The following MICAL3 variants were observed in gnomAD, a reference collection of about 807,000 sequenced individuals.
MICAL3 encodes the protein microtubule associated monooxygenase, calponin and LIM domain containing 3.
MICAL3 carries 62 observed loss-of-function variants against 207.4 expected under a neutral mutation model. The observed-to-expected ratio is 0.30, with a 90% CI of 0.24 to 0.37. The LOEUF (loss-of-function observed/expected upper bound fraction) is 0.37, where lower values mean the gene tolerates loss of function less well. Among genes scored for constraint, MICAL3 ranks in the 10% least tolerant of loss-of-function variants. The pLI is 1.00. For synonymous variants in MICAL3, 1,077 were observed against 1,069.3 expected (o/e 1.01, Z -0.14); for missense variants, 2,368 against 2,635.6 (o/e 0.90, Z 2.22).
intron 1 of MICAL3, among the ~76,000 whole-genome samples, chr22:17,941,339 T>G (rs546039375): frequency 1.3e-5 from 2 of 152,338 alleles, no homozygotes; most frequent in South Asian, 4.1e-4. Flanking sequence ...AGATGATGGC[T>G]GTCAATCAGT....
chr22:17,874,215 T>TA (rs1274693177), intron 16 of MICAL3, among the ~76,000 whole-genome samples: 2 of 152,214 alleles, frequency 1.3e-5, no homozygotes, highest in African/African-American at 4.8e-5. Context: ...ATTTGCCCAT[T>TA]AACTTCACAG....
intron 1 of MICAL3, chr22:18,019,805 G>GTTTTTTTT (rs1569169676): frequency 7.8e-6 from 1 of 128,242 alleles, no homozygotes; most frequent in Non-Finnish European, 1.5e-5. Context: ...GAATGCTGCT[G>GTTTTTTTT]ATTTTTTTTT....
chr22:17,968,278 G>A (rs1289604592), intron 1 of MICAL3, among the ~76,000 whole-genome samples: 1 of 152,060 alleles, frequency 6.6e-6, no homozygotes, highest in African/African-American at 2.4e-5. Flanking sequence ...CTGTGGAAGC[G>A]TTGGGGGAGG....
rs375564003 is a variant in MICAL3, at chr22:17,869,890, G to A, written c.2428+1947C>T. ...AAAGGGCGTGATGTGTTGGGGCGCA[G>A]CACAAGGCCTCGGTTACTTCCTCCT... On this transcript the variant is annotated intron_variant, in intron 17 of 31. Transcript: ENST00000441493. Among the ~76,000 whole-genome samples, 12 of 152,318 alleles carry A rather than the reference G, an allele frequency of 7.9e-5. No individual in the cohort carries two copies. The South Asian group carries it at 2.5e-3, about 32-fold the overall frequency.
chr22:17,996,907 A>C (rs1922347032), intron 1 of MICAL3, among the ~76,000 whole-genome samples: 2 of 152,168 alleles, frequency 1.3e-5, no homozygotes, highest in African/African-American at 2.4e-5. Context: ...CCATGCCTCC[A>C]GTTTCACAGT....
At chr22:17,961,389 C>G (rs538931819) in intron 1 of MICAL3, among the ~76,000 whole-genome samples, 1 of 152,296 alleles carries the variant, frequency 6.6e-6, no homozygotes, top group South Asian at 2.1e-4. Flanking sequence ...CGGCCATTCT[C>G]ACTGGGGGAG....
chr22:17,978,517 C>CTT (rs796547093), intron 1 of MICAL3, among the ~76,000 whole-genome samples: 3 of 144,354 alleles, frequency 2.1e-5, no homozygotes, highest in Non-Finnish European at 1.5e-5. Flanking sequence ...GAACTGTACA[C>CTT]TTTTTTTTTT....
At chr22:17,874,745 G>C (rs973694232) in intron 16 of MICAL3, among the ~76,000 whole-genome samples, 1 of 152,174 alleles carries the variant, frequency 6.6e-6, no homozygotes, top group African/African-American at 2.4e-5. Context: ...CATGCACATA[G>C]GCCTCAACCC....
intron 5 of MICAL3, among the ~76,000 whole-genome samples, chr22:17,901,376 G>A (rs1181790221): frequency 6.6e-6 from 1 of 152,152 alleles, no homozygotes; most frequent in Non-Finnish European, 1.5e-5. Flanking sequence ...AGAGTGCCCT[G>A]TAAGCAGCAG....
intron 1 of MICAL3, chr22:18,006,417 G>A (rs1263376504): frequency 1.3e-5 from 2 of 152,220 alleles, no homozygotes; most frequent in East Asian, 1.9e-4. Flanking sequence ...AGTGTCCTGC[G>A]GAGGTGGAGA....
At position 17,817,825 on chromosome 22, in the gene MICAL3, G is replaced by A. The variant is rs376767116; in HGVS notation, c.4836C>T (p.Ala1612=). 65 of 1,610,682 alleles carry A rather than the reference G, an allele frequency of 4.0e-5. No homozygotes were observed. Among genetic ancestry groups the A allele is most frequent in the Non-Finnish European group, 5.1e-5 (60 of 1,178,976 alleles). ...GCATCCTGCTCAGCTGCCTGGCCAT[G>A]GCGTCCCGCAGCGCCTGGCTCTTCA... ...KSVKSQALRD[A]MARQLSRMQQ... is the part of the protein sequence containing the mutation. Residue 1612 remains alanine (A), a synonymous_variant, in exon 26 of 32, where the codon GCC becomes GCT. Coordinates refer to ENST00000441493, the MANE Select transcript of MICAL3 (RefSeq NM_015241.3).
intron 1 of MICAL3, among the ~76,000 whole-genome samples, chr22:17,928,643 C>A (rs1435833359): frequency 6.6e-6 from 1 of 152,166 alleles, no homozygotes; most frequent in African/African-American, 2.4e-5. Context: ...GACACATTCA[C>A]TCCTTGAAAT....
At chr22:17,951,273 T>C (rs1934337344) in intron 1 of MICAL3, among the ~76,000 whole-genome samples, 1 of 151,252 alleles carries the variant, frequency 6.6e-6, no homozygotes, top group Non-Finnish European at 1.5e-5. Flanking sequence ...GACAGGGATC[T>C]GGACCCGGGG....
chr22:17,799,949 A>AACACACAC lies in MICAL3; in HGVS notation c.5651-8656_5651-8649dup, dbSNP rs3078144. Among the ~76,000 whole-genome samples, 223 of 146,824 alleles carry AACACACAC rather than the reference A, an allele frequency of 1.5e-3. 2 individuals are homozygous for AACACACAC. The South Asian group carries it at 0.017, about 11-fold the overall frequency. On this transcript the variant is annotated intron_variant, in intron 29 of 31. Transcript: ENST00000441493. ...CGCGCGCTGGGAAACCTCACTCTAA[A>AACACACAC]ACACACACACACACACACACACACA...
At chr22:17,952,287 C>A (rs1479659855) in intron 1 of MICAL3, among the ~76,000 whole-genome samples, 1 of 152,178 alleles carries the variant, frequency 6.6e-6, no homozygotes, top group Non-Finnish European at 1.5e-5. Flanking sequence ...TCCCCATCAC[C>A]CCACTCTCCT....
At chr22:17,957,798 A>C (rs963232074) in intron 1 of MICAL3, among the ~76,000 whole-genome samples, 2 of 151,726 alleles carry the variant, frequency 1.3e-5, no homozygotes, top group Non-Finnish European at 2.9e-5. Context: ...TTCTTTCTTT[A>C]CTAAGAGAAG....
Position 17,790,517 on chromosome 22 carries a change from G to A in MICAL3, c.*215C>T. 1 of 578,498 alleles carries A rather than the reference G, an allele frequency of 1.7e-6. No homozygotes were observed. Among genetic ancestry groups the A allele is most frequent in the Non-Finnish European group, 3.1e-6 (1 of 325,290 alleles). 35.8% of individuals were successfully genotyped at this position (578,498 alleles called of 1,614,324 possible). A position where few individuals can be genotyped will look rare whatever the true frequency, so the allele number is the denominator to read the frequency against. On this transcript the variant is annotated 3_prime_UTR_variant, in exon 32 of 32. Coordinates refer to ENST00000441493, the MANE Select transcript of MICAL3 (RefSeq NM_015241.3). ...TCCTCTGAGTGGGAGGTCCAGGTGG[G>A]CCTCCTCCCAGGAGGTGGAGCCGTC...
chr22:18,013,632 C>G (rs1192275164), intron 1 of MICAL3, among the ~76,000 whole-genome samples: 1 of 152,116 alleles, frequency 6.6e-6, no homozygotes, highest in Non-Finnish European at 1.5e-5. Context: ...ATGGAGGTGA[C>G]GCATAGGAAA....
intron 28 of MICAL3, among the ~76,000 whole-genome samples, chr22:17,810,054 ATTTTTTTTTTTTT>A (rs758573402): frequency 4.8e-4 from 47 of 97,058 alleles, no homozygotes; most frequent in African/African-American, 1.4e-3. Context: ...ATGCCTGGCT[ATTTTTTTTTTTTT>A]TTTTTTTTTT....
Sources: gnomAD v4.1 joint callset for allele counts (sites outside exome capture counted in the v4.1 genomes callset) on GRCh38, gnomAD v4.1.1 for gene constraint, MANE v1.5 for transcripts, NCBI Gene and HGNC (gene_info 2026-07-23, HGNC 2026-07-21) for gene names.